Variants in ENPEP observed in about 807,000 individuals in gnomAD.
The protein encoded by ENPEP is glutamyl aminopeptidase.
A neutral mutation model predicts 114.5 loss-of-function variants in ENPEP; 103 were observed. That is an observed-to-expected ratio of 0.90 (90% CI 0.77 to 1.06). ENPEP has a LOEUF of 1.06. Among genes scored for constraint, ENPEP ranks in the 50% least tolerant of loss-of-function variants. The pLI is 0.00. For missense variants in ENPEP, 1,196 were observed against 1,161.3 expected (o/e 1.03, Z -0.43); for synonymous variants, 420 against 422.0 (o/e 1.00, Z 0.06).
chr4:110,500,079 G>A (rs1349130221), intron 3 of ENPEP: 1 of 152,150 alleles, frequency 6.6e-6, no homozygotes, highest in Non-Finnish European at 1.5e-5. Flanking sequence ...TCATTAAATT[G>A]TTCAAGGAAG....
intron 3 of ENPEP, among the ~76,000 whole-genome samples, chr4:110,500,381 C>T (rs1725109309): frequency 1.3e-5 from 2 of 152,104 alleles, no homozygotes; most frequent in South Asian, 2.1e-4. Context: ...AAAGTTTTTC[C>T]ACTGATACTA....
At chr4:110,508,540 G>A (rs1725455927) in intron 4 of ENPEP, among the ~76,000 whole-genome samples, 2 of 152,178 alleles carry the variant, frequency 1.3e-5, no homozygotes, top group South Asian at 2.1e-4. Context: ...GGCTGGGTGC[G>A]GTGGCTCACG....
chr4:110,483,425 C>T (rs915303273), intron 1 of ENPEP, among the ~76,000 whole-genome samples: 1 of 152,122 alleles, frequency 6.6e-6, no homozygotes, highest in African/African-American at 2.4e-5. Context: ...TCACTGGAAA[C>T]AGCATGCCAG....
chr4:110,555,834 T>C (rs959500032), intron 18 of ENPEP, among the ~76,000 whole-genome samples: 2 of 152,056 alleles, frequency 1.3e-5, no homozygotes, highest in Non-Finnish European at 2.9e-5. Flanking sequence ...TAAATTTTTT[T>C]CAAATTATTT....
At chr4:110,557,207 T>A (rs1302525975) in intron 18 of ENPEP, among the ~76,000 whole-genome samples, 1 of 152,124 alleles carries the variant, frequency 6.6e-6, no homozygotes, top group Non-Finnish European at 1.5e-5. Context: ...CTGAAAGACA[T>A]AACATGTCAT....
chr4:110,561,286 C>A, intron 19 of ENPEP, 120 bp from the exon 20 acceptor site: 1 of 989,976 alleles, frequency 1.0e-6, no homozygotes, highest in Non-Finnish European at 1.5e-6. Context: ...TGTAGCTCAA[C>A]GTTGTGCAGT....
intron 10 of ENPEP, among the ~76,000 whole-genome samples, chr4:110,523,344 T>C (rs1362687910): frequency 1.3e-5 from 2 of 152,172 alleles, no homozygotes; most frequent in Non-Finnish European, 2.9e-5. Flanking sequence ...CTCCCCCTTC[T>C]GCCATGATTG....
At position 110,490,932 on chromosome 4, in the gene ENPEP, C is replaced by A. The variant is rs146303225; in HGVS notation, c.787-101C>A. 1,409 of 1,269,874 alleles carry A rather than the reference C, an allele frequency of 1.1e-3. 12 individuals are homozygous for A. In the African/African-American group the frequency reaches 0.016, roughly 14 times the overall value. 78.7% of individuals were successfully genotyped at this position (1,269,874 alleles called of 1,614,324 possible). A position where few individuals can be genotyped will look rare whatever the true frequency, so the allele number is the denominator to read the frequency against. ...ACCTCTAAGCTTTGACAAAGGACTT[C>A]TGGCTAGAAAGCAAGGTTTGGGGCA... is the stretch of plus-strand genomic sequence containing the variant. On this transcript the variant is annotated intron_variant, in intron 2 of 19. Transcript: ENST00000265162.
chr4:110,522,694 C>A (rs1455779999), intron 10 of ENPEP, among the ~76,000 whole-genome samples: 1 of 152,180 alleles, frequency 6.6e-6, no homozygotes, highest in Non-Finnish European at 1.5e-5. Context: ...TCCACATCAA[C>A]CCTGAATGCA....
rs1183439618 is a variant in ENPEP at position 110,476,436 on chromosome 4, G to A, written c.22G>A (p.Gly8Ser). Reference sequence around the variant, plus strand: ...AAAAATGAACTTTGCGGAGAGAGAGGGCTCTAAGAGATACTGCATTCAAAC... The same window carrying A: ...AAAAATGAACTTTGCGGAGAGAGAGAGCTCTAAGAGATACTGCATTCAAAC... MNFAERE[G>S]SKRYCIQTKH... is the part of the protein sequence containing the mutation. Residue 8 changes from glycine to serine, a missense_variant, in exon 1 of 20, where the codon GGC (glycine) becomes AGC (serine). Gly to Ser is a moderately conservative substitution (Grantham distance 56). Coordinates refer to ENST00000265162, the MANE Select transcript of ENPEP (RefSeq NM_001977.4). 1.3e-6 allele frequency: 2 copies of A among 1,521,178 alleles called. No individual in the cohort carries two copies. The highest frequency in any genetic ancestry group is 1.4e-5 in the African/African-American group (1 of 72,134). The allele number at this position is 1,521,178 out of a possible 1,614,324, so 94.2% of individuals were successfully genotyped here.
At chr4:110,487,611 GAT>G (rs930324570) in intron 1 of ENPEP, among the ~76,000 whole-genome samples, 36 of 152,142 alleles carry the variant, frequency 2.4e-4, no homozygotes, top group Non-Finnish European at 1.5e-4. Flanking sequence ...TATTCTTTAT[GAT>G]ATGTCTTTCT....
intron 6 of ENPEP, 107 bp downstream of exon 6, chr4:110,510,465 T>C (rs534312613): frequency 3.3e-6 from 3 of 917,346 alleles, no homozygotes; most frequent in South Asian, 1.6e-5. Flanking sequence ...AGTACAGTGG[T>C]GAGCGGGGAA....
intron 3 of ENPEP, among the ~76,000 whole-genome samples, chr4:110,504,618 A>G (rs1725299676): frequency 6.6e-6 from 1 of 152,156 alleles, no homozygotes; most frequent in Non-Finnish European, 1.5e-5. Context: ...GACAGAGCAT[A>G]TTTCTATGGA....
At position 110,485,663 on chromosome 4, in the gene ENPEP, T is replaced by C. The variant is rs192667187; in HGVS notation, c.645-2878T>C. On this transcript the variant is annotated intron_variant, in intron 1 of 19. Coordinates refer to ENST00000265162, the MANE Select transcript of ENPEP (RefSeq NM_001977.4). ...GAATGCTGCATTGCACTTAGTGTCA[T>C]GCCCTTTTAGACTCCTTTAAACTGA... Among the ~76,000 whole-genome samples, 1,159 of 152,360 alleles carry C rather than the reference T, an allele frequency of 7.6e-3. 8 individuals carry two copies. The highest frequency in any genetic ancestry group is 0.011 in the Admixed American group (172 of 15,310).
intron 3 of ENPEP, among the ~76,000 whole-genome samples, chr4:110,494,889 GTCT>G (rs1321710491): frequency 1.3e-5 from 2 of 152,136 alleles, no homozygotes; most frequent in Non-Finnish European, 2.9e-5. Context: ...TACTCCTGAG[GTCT>G]TCTTCAGGTT....
intron 11 of ENPEP, among the ~76,000 whole-genome samples, chr4:110,535,704 G>A (rs1421132853): frequency 6.6e-6 from 1 of 152,156 alleles, no homozygotes; most frequent in African/African-American, 2.4e-5. Context: ...AAGAATTAAA[G>A]GGCTGGGCGC....
chr4:110,555,357 C>T (rs1403745517), intron 18 of ENPEP, among the ~76,000 whole-genome samples: 2 of 151,978 alleles, frequency 1.3e-5, no homozygotes, highest in Non-Finnish European at 2.9e-5. Flanking sequence ...TCCAAATAAT[C>T]CCAAACACTT....
At chr4:110,505,994 A>G (rs1431781622) in intron 3 of ENPEP, among the ~76,000 whole-genome samples, 3 of 152,228 alleles carry the variant, frequency 2.0e-5, no homozygotes, top group Non-Finnish European at 2.9e-5. Flanking sequence ...GACTTAGAGA[A>G]TTGATGTAGC....
At chr4:110,503,076 C>T (rs1725224172) in intron 3 of ENPEP, among the ~76,000 whole-genome samples, 1 of 152,042 alleles carries the variant, frequency 6.6e-6, no homozygotes, top group Non-Finnish European at 1.5e-5. Context: ...CACGACAGGC[C>T]CTGGTGTGTG....
Sources: gnomAD v4.1 joint callset for allele counts (sites outside exome capture counted in the v4.1 genomes callset) on GRCh38, gnomAD v4.1.1 for gene constraint, MANE v1.5 for transcripts, NCBI Gene and HGNC (gene_info 2026-07-23, HGNC 2026-07-21) for gene names.